Variants in GALNTL6 observed in about 807,000 individuals in gnomAD.
GALNTL6 encodes the protein polypeptide N-acetylgalactosaminyltransferase-like 6.
GALNTL6 carries 46 observed loss-of-function variants against 73.7 expected under a neutral mutation model. The observed-to-expected ratio is 0.62, with a 90% CI of 0.49 to 0.80. GALNTL6 has a LOEUF of 0.80. Ranked by LOEUF, GALNTL6 falls within the 30% of genes least tolerant of loss-of-function variation. The pLI is 0.00. For missense variants in GALNTL6, 604 were observed against 755.0 expected (o/e 0.80, Z 2.34); for synonymous variants, 259 against 263.7 (o/e 0.98, Z 0.17).
intron 5 of GALNTL6, among the ~76,000 whole-genome samples, chr4:172,756,141 A>G (rs1366048433): frequency 2.6e-5 from 4 of 152,250 alleles, no homozygotes; most frequent in Non-Finnish European, 5.9e-5. Context: ...GAAGTAAGTT[A>G]TTATAGCCAA....
At chr4:172,827,408 C>T (rs1166488617) in intron 7 of GALNTL6, among the ~76,000 whole-genome samples, 1 of 152,190 alleles carries the variant, frequency 6.6e-6, no homozygotes, top group East Asian at 1.9e-4. Context: ...CCATGCCACT[C>T]ATTCTATTAT....
At chr4:172,982,828 T>C (rs1751128472) in intron 10 of GALNTL6, among the ~76,000 whole-genome samples, 1 of 152,330 alleles carries the variant, frequency 6.6e-6, no homozygotes, top group South Asian at 2.1e-4. Context: ...TCATCCTAGA[T>C]TTTCTAGATG....
chr4:172,597,265 C>G (rs1579226146), intron 5 of GALNTL6, among the ~76,000 whole-genome samples: 1 of 152,266 alleles, frequency 6.6e-6, no homozygotes. Flanking sequence ...ATTCTACTGT[C>G]TTTATTATAA....
chr4:171,850,439 G>C (rs1034182482), intron 2 of GALNTL6, among the ~76,000 whole-genome samples: 1 of 152,116 alleles, frequency 6.6e-6, no homozygotes, highest in African/African-American at 2.4e-5. Context: ...TGTGGAACAG[G>C]GGCTGGAGCG....
chr4:172,432,452 C>T (rs959371781), intron 5 of GALNTL6, among the ~76,000 whole-genome samples: 3 of 151,996 alleles, frequency 2.0e-5, no homozygotes, highest in Non-Finnish European at 2.9e-5. Flanking sequence ...GAAATTACAT[C>T]ACGCAAACCC....
At chr4:172,408,871 TA>T (rs931567238) in intron 5 of GALNTL6, among the ~76,000 whole-genome samples, 1 of 152,196 alleles carries the variant, frequency 6.6e-6, no homozygotes, top group African/African-American at 2.4e-5. Context: ...AGTGTATTTT[TA>T]CCAATAGAAA....
chr4:172,611,827 T>G (rs1324672368), intron 5 of GALNTL6, among the ~76,000 whole-genome samples: 1 of 152,092 alleles, frequency 6.6e-6, no homozygotes, highest in Non-Finnish European at 1.5e-5. Flanking sequence ...ATCAAGAAGA[T>G]GGAGATTCTG....
chr4:172,150,061 C>A (rs923009963), intron 2 of GALNTL6, among the ~76,000 whole-genome samples: 1 of 152,054 alleles, frequency 6.6e-6, no homozygotes, highest in African/African-American at 2.4e-5. Context: ...AAGAACTCAC[C>A]CCCATACCTT....
At chr4:172,335,412 T>G (rs1741279705) in intron 4 of GALNTL6, among the ~76,000 whole-genome samples, 2 of 152,222 alleles carry the variant, frequency 1.3e-5, no homozygotes, top group African/African-American at 4.8e-5. Context: ...CTTTATTCAT[T>G]GTGTCTTTGC....
chr4:171,836,338 G>A (rs1735094226), intron 2 of GALNTL6, among the ~76,000 whole-genome samples: 1 of 152,064 alleles, frequency 6.6e-6, no homozygotes, highest in African/African-American at 2.4e-5. Flanking sequence ...GTGAGCTGAT[G>A]AACTTTGGGG....
chr4:173,033,385 C>CAAA (rs56814083), intron 12 of GALNTL6, among the ~76,000 whole-genome samples: 65 of 142,510 alleles, frequency 4.6e-4, no homozygotes, highest in African/African-American at 1.5e-3. Context: ...TTCTAGCTGT[C>CAAA]AAAAAAAAAA....
At chr4:172,713,221 G>GGTGTGT (rs1560898632) in intron 5 of GALNTL6, among the ~76,000 whole-genome samples, 6 of 74,272 alleles carry the variant, frequency 8.1e-5, no homozygotes, top group Non-Finnish European at 5.6e-5. Flanking sequence ...AAAAGAATAA[G>GGTGTGT]ATGTGTGTGT....
At chr4:172,864,937 C>A (rs749933037) in intron 7 of GALNTL6, among the ~76,000 whole-genome samples, 11 of 152,088 alleles carry the variant, frequency 7.2e-5, no homozygotes, top group Non-Finnish European at 1.0e-4. Context: ...ATCAGGGGAA[C>A]AATAGCCATA....
chr4:172,988,406 C>A (rs1751391007), intron 10 of GALNTL6, among the ~76,000 whole-genome samples: 1 of 152,188 alleles, frequency 6.6e-6, no homozygotes, highest in East Asian at 1.9e-4. Flanking sequence ...CTGGCTGCTT[C>A]TAACAGCATA....
intron 2 of GALNTL6, among the ~76,000 whole-genome samples, chr4:171,971,002 C>A (rs1173473855): frequency 6.6e-6 from 1 of 152,104 alleles, no homozygotes; most frequent in East Asian, 1.9e-4. Context: ...AAATTAGTAG[C>A]AGGGTTGAAC....
At position 173,040,007 on chromosome 4, in the gene GALNTL6, C is replaced by T. The variant is rs751566695; in HGVS notation, c.1713C>T (p.Ala571=). Reference sequence around the variant, plus strand: ...CCGCAGAGAAGAAGATTTTCATGGCCAGATGTGACCCTCTCTCTGAGACTC... The same window carrying T: ...CCGCAGAGAAGAAGATTTTCATGGCTAGATGTGACCCTCTCTCTGAGACTC... ...CNPAEKKIFM[A]RCDPLSETQQ... Residue 571 remains alanine, a synonymous_variant, in exon 13 of 13, where the codon GCC becomes GCT. Transcript: ENST00000506823. 2 of 1,613,160 alleles carry T rather than the reference C, an allele frequency of 1.2e-6. No individual in the cohort carries two copies. The highest frequency in any genetic ancestry group is 1.3e-5 in the African/African-American group (1 of 74,880).
intron 5 of GALNTL6, among the ~76,000 whole-genome samples, chr4:172,549,414 C>T (rs1268329637): frequency 1.3e-5 from 2 of 152,122 alleles, no homozygotes; most frequent in Admixed American, 6.5e-5. Flanking sequence ...TGCCTTTTGA[C>T]CTAACTTCAC....
intron 5 of GALNTL6, among the ~76,000 whole-genome samples, chr4:172,707,199 C>T (rs894808098): frequency 2.0e-5 from 3 of 152,156 alleles, no homozygotes; most frequent in African/African-American, 7.2e-5. Flanking sequence ...ATTGTCACAG[C>T]CTCTGTTGTG....
At chr4:172,769,113 T>A (rs1400456745) in intron 5 of GALNTL6, among the ~76,000 whole-genome samples, 1 of 152,128 alleles carries the variant, frequency 6.6e-6, no homozygotes, top group Admixed American at 6.5e-5. Flanking sequence ...ATGCAAATAA[T>A]GAATCCAAAT....
Sources: allele counts gnomAD v4.1 joint callset (sites outside exome capture counted in the v4.1 genomes callset), GRCh38; gene constraint gnomAD v4.1.1; transcripts MANE v1.5; gene names NCBI Gene and HGNC (gene_info 2026-07-23, HGNC 2026-07-21).